TENM3: variants seen among roughly 807,000 people sequenced by gnomAD.
The protein encoded by TENM3 is teneurin transmembrane protein 3.
TENM3 carries 63 observed loss-of-function variants against 255.1 expected under a neutral mutation model. The observed-to-expected ratio is 0.25, with a 90% confidence interval of 0.20 to 0.30. The LOEUF is 0.30. Ranked by LOEUF, TENM3 falls within the 10% of genes least tolerant of loss-of-function variation. The probability of loss-of-function intolerance (pLI) is 1.00; values close to 1 mark genes in which losing one functional copy is unlikely to be tolerated. For synonymous variants in TENM3, 1,306 were observed against 1,322.3 expected (o/e 0.99, Z 0.27); for missense variants, 2,929 against 3,461.1 (o/e 0.85, Z 3.86).
the TENM3 span, among the ~76,000 whole-genome samples, chr4:181,492,390 A>G: frequency 6.6e-6 from 1 of 152,350 alleles, no homozygotes; most frequent in South Asian, 2.1e-4. Flanking sequence ...GTATGAAGCA[A>G]TAAATGCAGA....
In TENM3 at chr4:182,324,119, C is replaced by A. The variant is rs1168655038; in HGVS notation, c.99C>A (p.Cys33Ter). 1 of 1,613,958 alleles carries A rather than the reference C, an allele frequency of 6.2e-7. No individual in the cohort carries two copies. Among genetic ancestry groups the A allele is most frequent in the Admixed American group, 1.7e-5 (1 of 60,016 alleles). Reference sequence around the variant, plus strand: ...ATTCCTCCGCAGACAATGAGGAGTGCCGGGTACCCACACAGAAGTCCTACA... The same window carrying A: ...ATTCCTCCGCAGACAATGAGGAGTGACGGGTACCCACACAGAAGTCCTACA... ...YTNSSADNEE[C>*]RVPTQKSYSS... Residue 33 changes from cysteine to a stop codon, truncating the protein, a stop_gained, in exon 2 of 28, where the codon TGC (cysteine) becomes TGA (stop). Coordinates refer to ENST00000511685, the MANE Select transcript of TENM3 (RefSeq NM_001080477.4). LOFTEE classifies it high-confidence loss of function.
intron 3 of TENM3, among the ~76,000 whole-genome samples, chr4:182,516,997 A>C (rs1006388360): frequency 6.6e-6 from 1 of 152,108 alleles, no homozygotes; most frequent in African/African-American, 2.4e-5. Context: ...GAATGAGTGT[A>C]TTTCATATAA....
the TENM3 span, among the ~76,000 whole-genome samples, chr4:181,670,851 A>G: frequency 6.6e-6 from 1 of 152,174 alleles, no homozygotes; most frequent in South Asian, 2.1e-4. Flanking sequence ...TTTTATTATA[A>G]CGCACATTTA....
the TENM3 span, among the ~76,000 whole-genome samples, chr4:181,853,561 G>A: frequency 6.6e-6 from 1 of 152,190 alleles, no homozygotes; most frequent in African/African-American, 2.4e-5. Flanking sequence ...TTGGTGAAGA[G>A]ATACTTATGA....
intron 1 of TENM3, among the ~76,000 whole-genome samples, chr4:182,299,038 C>CAGATTGAG (rs888586933): frequency 2.5e-5 from 3 of 118,536 alleles, no homozygotes; most frequent in African/African-American, 9.6e-5. Context: ...CTGGCCACTG[C>CAGATTGAG]AGATTGAGAA....
chr4:182,533,320 G>A (rs571456874), intron 3 of TENM3, among the ~76,000 whole-genome samples: 1 of 152,112 alleles, frequency 6.6e-6, no homozygotes, highest in African/African-American at 2.4e-5. Context: ...GAGAGGCTGA[G>A]GTGGGAGGAT....
At chr4:181,680,144 C>A in the TENM3 span, among the ~76,000 whole-genome samples, 1 of 152,036 alleles carries the variant, frequency 6.6e-6, no homozygotes, top group Non-Finnish European at 1.5e-5. Flanking sequence ...AAGGTAAACC[C>A]TTTGCCGCCT....
chr4:182,768,932 G>C (rs1269683352), intron 22 of TENM3, among the ~76,000 whole-genome samples: 2 of 152,226 alleles, frequency 1.3e-5, no homozygotes, highest in East Asian at 3.9e-4. Flanking sequence ...AAACCATGAG[G>C]CTAAGGCCAG....
chr4:182,561,294 G>T (rs1743147775), intron 3 of TENM3, among the ~76,000 whole-genome samples: 1 of 151,378 alleles, frequency 6.6e-6, no homozygotes, highest in Admixed American at 6.6e-5. Context: ...AAATAAAAAT[G>T]ATTTTAAAAA....
the TENM3 span, among the ~76,000 whole-genome samples, chr4:182,091,212 C>T: frequency 6.6e-6 from 1 of 152,204 alleles, no homozygotes; most frequent in East Asian, 1.9e-4. Context: ...CTGCAAAGCA[C>T]AGCAGGCCAA....
At chr4:182,302,507 T>G (rs530790155) in intron 1 of TENM3, among the ~76,000 whole-genome samples, 1 of 152,298 alleles carries the variant, frequency 6.6e-6, no homozygotes, top group South Asian at 2.1e-4. Flanking sequence ...ACAAGTAGCA[T>G]AGGATATTTG....
chr4:182,377,522 C>T (rs1299685884), intron 3 of TENM3, among the ~76,000 whole-genome samples: 3 of 152,110 alleles, frequency 2.0e-5, no homozygotes, highest in Non-Finnish European at 2.9e-5. Flanking sequence ...CCATGTTGCC[C>T]AGACTGGTCT....
the TENM3 span, among the ~76,000 whole-genome samples, chr4:181,560,332 T>C: frequency 1.3e-5 from 2 of 152,196 alleles, no homozygotes; most frequent in Non-Finnish European, 1.5e-5. Flanking sequence ...CACCATCACG[T>C]TGTGAGGTCA....
the TENM3 span, among the ~76,000 whole-genome samples, chr4:181,741,778 A>G: frequency 6.6e-6 from 1 of 152,156 alleles, no homozygotes; most frequent in African/African-American, 2.4e-5. Context: ...TATCACTCAA[A>G]CTAATAAAAC....
chr4:182,306,866 C>A (rs1236387593), intron 1 of TENM3, among the ~76,000 whole-genome samples: 1 of 152,176 alleles, frequency 6.6e-6, no homozygotes, highest in Non-Finnish European at 1.5e-5. Flanking sequence ...GTTGAAACTA[C>A]TCAATTGAAT....
At chr4:182,239,500 AAACTTACTAAAATACTACAGTCT>A (rs1757107342), upstream of TENM3, among the ~76,000 whole-genome samples, 1 of 152,244 alleles carries the variant, frequency 6.6e-6, no homozygotes, top group Non-Finnish European at 1.5e-5. Flanking sequence ...AGCTGGCAAG[AAACTTACTAAAATACTACAGTCT>A]AACATTTAGC....
the TENM3 span, among the ~76,000 whole-genome samples, chr4:182,014,866 A>G: frequency 2.0e-5 from 3 of 152,184 alleles, no homozygotes; most frequent in South Asian, 2.1e-4. Flanking sequence ...ACCGACATGC[A>G]GAGAGATTAG....
chr4:181,638,341 G>C, the TENM3 span, among the ~76,000 whole-genome samples: 1 of 152,194 alleles, frequency 6.6e-6, no homozygotes, highest in South Asian at 2.1e-4. Flanking sequence ...TCTTCAGCAA[G>C]TATGTACAGA....
intron 1 of TENM3, among the ~76,000 whole-genome samples, chr4:182,282,169 A>G (rs959928057): frequency 2.6e-5 from 4 of 152,256 alleles, no homozygotes; most frequent in Non-Finnish European, 5.9e-5. Flanking sequence ...AAAATGCTTT[A>G]TAATTCAAAT....
Sources: allele counts gnomAD v4.1 joint callset (sites outside exome capture counted in the v4.1 genomes callset), GRCh38; gene constraint gnomAD v4.1.1; transcripts MANE v1.5; gene names NCBI Gene and HGNC (gene_info 2026-07-23, HGNC 2026-07-21).